Variants in NWD2 observed in about 807,000 individuals in gnomAD.
The protein encoded by NWD2 is NACHT and WD repeat domain containing 2.
A neutral mutation model predicts 132.7 loss-of-function variants in NWD2; 37 were observed. The ratio of observed to expected loss-of-function variants is 0.28; its 90% CI spans 0.21 to 0.37. The LOEUF is 0.37. NWD2 is among the 10% of genes least tolerant of loss of function. The pLI is 1.00. For synonymous variants in NWD2, 705 were observed against 803.0 expected (o/e 0.88, Z 2.06); for missense variants, 1,592 against 2,122.4 (o/e 0.75, Z 4.91).
chr4:37,318,037 T>TC (rs1718994718), intron 1 of NWD2, among the ~76,000 whole-genome samples: 1 of 147,796 alleles, frequency 6.8e-6, no homozygotes, highest in Non-Finnish European at 1.5e-5. Context: ...TTTTTTTTTT[T>TC]TGAGACGAAG....
intron 3 of NWD2, among the ~76,000 whole-genome samples, chr4:37,427,687 G>T (rs1712046416): frequency 6.6e-6 from 1 of 152,170 alleles, no homozygotes; most frequent in Non-Finnish European, 1.5e-5. Context: ...AGAACAGCTA[G>T]GTTAGATCTA....
intron 5 of NWD2, among the ~76,000 whole-genome samples, chr4:37,437,884 G>A (rs1215890847): frequency 6.6e-6 from 1 of 152,106 alleles, no homozygotes; most frequent in East Asian, 1.9e-4. Context: ...CACTTTTTCT[G>A]TACTTGTTCT....
At chr4:37,358,409 A>G (rs1719913884) in intron 3 of NWD2, among the ~76,000 whole-genome samples, 1 of 150,120 alleles carries the variant, frequency 6.7e-6, no homozygotes, top group Non-Finnish European at 1.5e-5. Context: ...AAAGAATGCA[A>G]AAGAAGGCCT....
chr4:37,327,526 G>T lies in NWD2; in HGVS notation c.240+1502G>T, dbSNP rs545422684. Among the ~76,000 whole-genome samples, 49 of 152,210 alleles carry T rather than the reference G, an allele frequency of 3.2e-4. No homozygotes were observed. The South Asian group carries it at 7.3e-3, about 23-fold the overall frequency. On this transcript the variant is annotated intron_variant, in intron 2 of 6. Transcript: ENST00000309447. ...AAAATTGACCCCCAGTTCTCTACGGGTACTGGGAGTGACTGAACCTGCCTA... is the reference window on the plus strand; with the variant it reads ...AAAATTGACCCCCAGTTCTCTACGGTTACTGGGAGTGACTGAACCTGCCTA...
intron 3 of NWD2, among the ~76,000 whole-genome samples, chr4:37,420,781 G>T (rs541362247): frequency 7.2e-5 from 11 of 152,182 alleles, no homozygotes; most frequent in Non-Finnish European, 1.5e-4. Flanking sequence ...TGGGACTGGG[G>T]CAGGGGCGGT....
Position 37,444,404 on chromosome 4 carries a change from T to C in NWD2, c.2416T>C (p.Phe806Leu). 1 of 1,552,198 alleles carries C rather than the reference T, an allele frequency of 6.4e-7. No individual in the cohort carries two copies. Among genetic ancestry groups the C allele is most frequent in the South Asian group, 1.2e-5 (1 of 84,066 alleles). ...AAAGCACTTCATGGAACAGGCTTCC[T>C]TTGACAGGCAGGCTCCAGACCAGCC... is the stretch of plus-strand genomic sequence containing the variant. ...EEKHFMEQASFDRQAPDQPWV... is the reference protein window; with the variant it reads ...EEKHFMEQASLDRQAPDQPWV... Residue 806 changes from phenylalanine to leucine, a missense_variant, in exon 7 of 7, where the codon TTT becomes CTT. This residue lies in a region of NWD2 where 1,071 missense variants were observed against 1,398.0 expected (regional missense o/e 0.77). Coordinates refer to ENST00000309447, the MANE Select transcript of NWD2 (RefSeq NM_001144990.2). The surrounding 1 kb of genome is among the most constrained non-coding windows in gnomAD (Gnocchi z 4.8).
At chr4:37,409,631 G>A (rs1247857599) in intron 3 of NWD2, among the ~76,000 whole-genome samples, 3 of 152,070 alleles carry the variant, frequency 2.0e-5, no homozygotes, top group African/African-American at 7.2e-5. Flanking sequence ...GCAAGCCAAC[G>A]TTCAAATTCA....
chr4:37,302,531 C>G (rs1692148522), intron 1 of NWD2, among the ~76,000 whole-genome samples: 1 of 151,994 alleles, frequency 6.6e-6, no homozygotes, highest in Admixed American at 6.6e-5. Flanking sequence ...TTTGAGAAAC[C>G]TCCACACCGT....
chr4:37,437,417 C>T lies in NWD2; in HGVS notation c.707-1384C>T, dbSNP rs183308842. Among the ~76,000 whole-genome samples the T allele has an allele frequency of 2.7e-4, 41 of 152,270 alleles. No individual in the cohort carries two copies. In the East Asian group the frequency reaches 7.5e-3, roughly 28 times the overall value. On this transcript the variant is annotated intron_variant, in intron 5 of 6. Coordinates refer to ENST00000309447, the MANE Select transcript of NWD2 (RefSeq NM_001144990.2). The stretch of plus-strand genomic sequence containing the variant: ...CCCTCATGAACTAATTACCCAAACG[C>T]CCCACCTCCTAACACTATCACACTG...
chr4:37,358,295 C>T (rs1203240371), intron 3 of NWD2, among the ~76,000 whole-genome samples: 2 of 151,922 alleles, frequency 1.3e-5, no homozygotes, highest in Admixed American at 1.3e-4. Flanking sequence ...GGGAACAGAG[C>T]AGGCAGACCT....
intron 1 of NWD2, among the ~76,000 whole-genome samples, chr4:37,273,897 A>C (rs1717931673): frequency 1.3e-5 from 2 of 152,170 alleles, no homozygotes; most frequent in African/African-American, 4.8e-5. Context: ...AAAAAGACAC[A>C]ACATACCAGA....
intron 3 of NWD2, among the ~76,000 whole-genome samples, chr4:37,398,533 A>G (rs751018495): frequency 1.3e-5 from 2 of 152,174 alleles, no homozygotes; most frequent in Non-Finnish European, 2.9e-5. Flanking sequence ...CCGGGTTCAT[A>G]GGTGCAGCAA....
chr4:37,389,221 G>A (rs370892756), intron 3 of NWD2, among the ~76,000 whole-genome samples: 3 of 152,088 alleles, frequency 2.0e-5, no homozygotes, highest in Admixed American at 6.6e-5. Context: ...GGGGCCTCTC[G>A]TCAGAGCCCC....
intron 1 of NWD2, among the ~76,000 whole-genome samples, chr4:37,294,421 CT>C (rs1260720476): frequency 6.6e-6 from 1 of 152,180 alleles, no homozygotes; most frequent in Non-Finnish European, 1.5e-5. Context: ...TTTCCCGCCC[CT>C]GTAGGACTAC....
At chr4:37,251,095 A>AC in intron 1 of NWD2, among the ~76,000 whole-genome samples, 1 of 152,214 alleles carries the variant, frequency 6.6e-6, no homozygotes, top group East Asian at 1.9e-4. Context: ...CCTGGCCAGC[A>AC]TGGTGAAACC....
chr4:37,276,972 C>T (rs560030134), intron 1 of NWD2, among the ~76,000 whole-genome samples: 9 of 150,580 alleles, frequency 6.0e-5, no homozygotes, highest in South Asian at 2.1e-4. Flanking sequence ...CATCACACAC[C>T]GGGGCCTGTT....
intron 1 of NWD2, among the ~76,000 whole-genome samples, chr4:37,307,433 G>A (rs1447761189): frequency 1.3e-5 from 2 of 151,988 alleles, no homozygotes; most frequent in Non-Finnish European, 2.9e-5. Context: ...TTTTCTTTCA[G>A]CACTTTAAAT....
chr4:37,285,710 G>T (rs1718217494), intron 1 of NWD2, among the ~76,000 whole-genome samples: 1 of 151,490 alleles, frequency 6.6e-6, no homozygotes, highest in South Asian at 2.1e-4. Flanking sequence ...ACTTTATTTA[G>T]GGTTCTAATA....
At position 37,442,794 on chromosome 4, in the gene NWD2, G is replaced by A. The variant is rs193093018; in HGVS notation, c.1297-491G>A. ...TGCTTTCTAATTAATTGGAAATTTGGTCAGCCATATATGACATTATATGCT... is the reference window on the plus strand; with the variant it reads ...TGCTTTCTAATTAATTGGAAATTTGATCAGCCATATATGACATTATATGCT... On this transcript the variant is annotated intron_variant, in intron 6 of 6. Transcript: ENST00000309447. 1.5e-4 allele frequency among the ~76,000 whole-genome samples: 23 copies of A among 151,814 alleles called. No individual in the cohort carries two copies. The East Asian group carries it at 4.4e-3, about 29-fold the overall frequency.
Sources: allele counts gnomAD v4.1 joint callset (sites outside exome capture counted in the v4.1 genomes callset), GRCh38; gene constraint gnomAD v4.1.1; regional missense constraint gnomAD v4.1.1; non-coding constraint Gnocchi (gnomAD v3.1); transcripts MANE v1.5; gene names NCBI Gene and HGNC (gene_info 2026-07-23, HGNC 2026-07-21).